KCTD20: variants seen among roughly 807,000 people sequenced by gnomAD.
KCTD20 encodes potassium channel tetramerization domain containing 20, also known as BTB/POZ domain-containing protein KCTD20.
In KCTD20, 30 loss-of-function variants were observed where a neutral mutation model predicts 39.6. That is an observed-to-expected ratio of 0.76 (90% CI 0.57 to 1.03). The LOEUF (loss-of-function observed/expected upper bound fraction) is 1.03. Ranked by LOEUF, KCTD20 falls within the 50% of genes least tolerant of loss-of-function variation. The pLI is 0.00. For missense variants in KCTD20, 422 were observed against 522.0 expected (o/e 0.81, Z 1.87); for synonymous variants, 162 against 180.6 (o/e 0.90, Z 0.83).
chr6:36,473,630 A>G (rs1032116336), intron 2 of KCTD20, among the ~76,000 whole-genome samples: 27 of 151,878 alleles, frequency 1.8e-4, no homozygotes, highest in Non-Finnish European at 2.4e-4. Context: ...AAAATTAGCC[A>G]GGCATGGTGG....
At chr6:36,467,725 C>T (rs1369932214) in intron 1 of KCTD20, among the ~76,000 whole-genome samples, 3 of 152,032 alleles carry the variant, frequency 2.0e-5, no homozygotes, top group Admixed American at 6.6e-5. Flanking sequence ...TTCCATAGTA[C>T]GCTCTGATCT....
intron 1 of KCTD20, among the ~76,000 whole-genome samples, chr6:36,459,350 A>G (rs920377335): frequency 6.6e-5 from 10 of 152,224 alleles, no homozygotes; most frequent in African/African-American, 1.9e-4. Flanking sequence ...GGTACAAAGG[A>G]TAGCCCTTCC....
intron 1 of KCTD20, among the ~76,000 whole-genome samples, chr6:36,462,417 A>G (rs137892572): frequency 6.6e-6 from 1 of 152,320 alleles, no homozygotes; most frequent in East Asian, 1.9e-4. Flanking sequence ...CTTCTCATCT[A>G]TGAAATGAAA....
rs542921292 is a variant in KCTD20, at chr6:36,449,565, A to G, written c.-47+6454A>G. ...CTGATTGGTGCGTTTACAATCCTTT[A>G]GCTAGGCAGAAAAGTTCTCCAATTG... is the stretch of plus-strand genomic sequence containing the variant. On this transcript the variant is annotated intron_variant, in intron 1 of 7. Coordinates refer to ENST00000373731, the MANE Select transcript of KCTD20 (RefSeq NM_173562.5). Among the ~76,000 whole-genome samples the G allele has an allele frequency of 3.3e-4, 50 of 152,310 alleles. No individual in the cohort carries two copies. The South Asian group carries it at 0.01, about 31-fold the overall frequency.
In KCTD20 at chr6:36,486,807, G is replaced by A. The variant is rs1043114169; in HGVS notation, c.968-76G>A. The A allele has an allele frequency of 1.8e-5, 21 of 1,195,516 alleles. No homozygotes were observed. In the African/African-American group the frequency reaches 3.2e-4, roughly 18 times the overall value. The allele number at this position is 1,195,516 out of a possible 1,614,324, so 74.1% of individuals were successfully genotyped here. On this transcript the variant is annotated intron_variant, in intron 7 of 7. Transcript: ENST00000373731. ...TGTGATTTTGGGAGAAAACTGATGT[G>A]GTTAGGAAGGAGAAAGTATGGACAC...
At chr6:36,478,035 C>T (rs1463137212) in intron 3 of KCTD20, among the ~76,000 whole-genome samples, 1 of 146,404 alleles carries the variant, frequency 6.8e-6, no homozygotes, top group African/African-American at 2.6e-5. Flanking sequence ...GCGGAGGTTG[C>T]AGTGAGCCGA....
intron 2 of KCTD20, among the ~76,000 whole-genome samples, chr6:36,471,081 G>A (rs969396401): frequency 8.6e-5 from 13 of 151,438 alleles, no homozygotes; most frequent in African/African-American, 3.2e-4. Flanking sequence ...AACCTGGTAG[G>A]CGGAGGTTGC....
At position 36,487,107 on chromosome 6, in the gene KCTD20, C is replaced by T. The variant is rs763112642; in HGVS notation, c.1192C>T (p.Gln398Ter). The change falls in exon 8 of 8, where the codon CAA becomes TAA. Residue 398 changes from glutamine (Q) to a stop codon, truncating the protein, a stop_gained. Transcript: ENST00000373731. LOFTEE classifies it high-confidence loss of function. Reference sequence around the variant, plus strand: ...GGAGATATTAATGCATCACCCACCCCAAGTGGATGAACTTGACCGGCTAAA... The same window carrying T: ...GGAGATATTAATGCATCACCCACCCTAAGTGGATGAACTTGACCGGCTAAA... ...DQEILMHHPP[Q>*]VDELDRLNAP... The T allele has an allele frequency of 6.2e-7, 1 of 1,614,144 alleles. No homozygotes were observed. The highest frequency in any genetic ancestry group is 1.7e-5 in the Admixed American group (1 of 60,016).
chr6:36,447,860 G>A (rs1775096839), intron 1 of KCTD20, among the ~76,000 whole-genome samples: 2 of 151,384 alleles, frequency 1.3e-5, no homozygotes. Flanking sequence ...GTGTGGTGGT[G>A]TGCGCCTTTA....
rs1434299015 is a variant in KCTD20, at chr6:36,491,132, T to C, written c.*3957T>C. 1.3e-5 allele frequency: 2 copies of C among 152,110 alleles called. No homozygotes were observed. The highest frequency in any genetic ancestry group is 2.1e-4 in the South Asian group (1 of 4,832). The allele number at this position is 152,110 out of a possible 1,614,324, so 9.4% of individuals were successfully genotyped here. A position where few individuals can be genotyped will look rare whatever the true frequency, so the allele number is the denominator to read the frequency against. On this transcript the variant is annotated 3_prime_UTR_variant, in exon 8 of 8. Transcript: ENST00000373731. Reference sequence around the variant, plus strand: ...GGGATGCTTTTTCTATAATAAAATATTATAATTTGTGTGTCTGTTTTTTTT... The same window carrying C: ...GGGATGCTTTTTCTATAATAAAATACTATAATTTGTGTGTCTGTTTTTTTT...
chr6:36,463,885 A>G (rs1168702389), intron 1 of KCTD20, among the ~76,000 whole-genome samples: 1 of 152,186 alleles, frequency 6.6e-6, no homozygotes, highest in Non-Finnish European at 1.5e-5. Context: ...GAACAGATTG[A>G]GAGGGAAAAA....
rs1041083202 is a variant in KCTD20 at position 36,469,379 on chromosome 6, G to T, written c.-46-673G>T. ...TGCCTCATCACTGGGGGTCTTGCAC[G>T]TGGCAGTCACATAGTGTGTGTTGTT... On this transcript the variant is annotated intron_variant, in intron 1 of 7. Coordinates refer to ENST00000373731, the MANE Select transcript of KCTD20 (RefSeq NM_173562.5). The surrounding 1 kb of genome is among the most constrained non-coding windows in gnomAD (Gnocchi z 4.6). Among the ~76,000 whole-genome samples the T allele has an allele frequency of 6.6e-6, 1 of 152,178 alleles. No individual in the cohort carries two copies. Among genetic ancestry groups the T allele is most frequent in the Admixed American group, 6.5e-5 (1 of 15,270 alleles).
intron 1 of KCTD20, among the ~76,000 whole-genome samples, chr6:36,458,560 A>G (rs1279516642): frequency 6.9e-6 from 1 of 144,588 alleles, no homozygotes. Flanking sequence ...AAAAAAAAAA[A>G]GAAAAGAAAG....
Position 36,474,960 on chromosome 6 carries a change from C to T in KCTD20, c.332C>T (p.Ser111Phe). 6.2e-7 allele frequency: 1 copy of T among 1,614,088 alleles called. No individual in the cohort carries two copies. The highest frequency in any genetic ancestry group is 1.7e-5 in the Admixed American group (1 of 59,998). ...GNSSVGFGSN[S>F]HSQAPEKVTL... ...AGTAGTGTGGGCTTTGGCAGTAATTCCCATTCCCAAGCACCAGAGAAAGTG... is the reference window on the plus strand; with the variant it reads ...AGTAGTGTGGGCTTTGGCAGTAATTTCCATTCCCAAGCACCAGAGAAAGTG... Residue 111 changes from serine (S) to phenylalanine (F), a missense_variant, in exon 3 of 8, where the codon TCC (serine) becomes TTC (phenylalanine). Coordinates refer to ENST00000373731, the MANE Select transcript of KCTD20 (RefSeq NM_173562.5).
At position 36,479,213 on chromosome 6, in the gene KCTD20, G is replaced by A. The variant is rs967542866; in HGVS notation, c.527G>A (p.Arg176His). 7.4e-6 allele frequency: 12 copies of A among 1,611,152 alleles called. No individual in the cohort carries two copies. The highest frequency in any genetic ancestry group is 1.3e-5 in the African/African-American group (1 of 74,846). ...IAEGISATVFRTVLDYYKTGI... is the reference protein window; with the variant it reads ...IAEGISATVFHTVLDYYKTGI... ...GAAGGCATCAGTGCAACTGTATTTCGCACAGTGCTGGTGTGTGGTAGCCTT... is the reference window on the plus strand; with the variant it reads ...GAAGGCATCAGTGCAACTGTATTTCACACAGTGCTGGTGTGTGGTAGCCTT... The change falls in exon 4 of 8, where the codon CGC (arginine) becomes CAC (histidine). Residue 176 changes from arginine to histidine, a missense_variant. Coordinates refer to ENST00000373731, the MANE Select transcript of KCTD20 (RefSeq NM_173562.5).
chr6:36,472,070 G>C (rs923544094), intron 2 of KCTD20, among the ~76,000 whole-genome samples: 1 of 152,024 alleles, frequency 6.6e-6, no homozygotes, highest in Non-Finnish European at 1.5e-5. Context: ...GGATGGTCTC[G>C]ATCTCCTGAC....
At position 36,469,853 on chromosome 6, in the gene KCTD20, G is replaced by T. The variant is rs951317177; in HGVS notation, c.-46-199G>T. 6.6e-6 allele frequency among the ~76,000 whole-genome samples: 1 copy of T among 152,126 alleles called. No homozygotes were observed. The highest frequency in any genetic ancestry group is 1.5e-5 in the Non-Finnish European group (1 of 68,020). On this transcript the variant is annotated intron_variant, in intron 1 of 7. Coordinates refer to ENST00000373731, the MANE Select transcript of KCTD20 (RefSeq NM_173562.5). The surrounding 1 kb of genome is among the most constrained non-coding windows in gnomAD (Gnocchi z 4.6). Reference sequence around the variant, plus strand: ...TTATTCCCTGGTAACAAGTTTATCTGCATTCTTAGTAATTTGATAAAGACC... The same window carrying T: ...TTATTCCCTGGTAACAAGTTTATCTTCATTCTTAGTAATTTGATAAAGACC...
At chr6:36,478,025 G>T (rs906925887) in intron 3 of KCTD20, among the ~76,000 whole-genome samples, 14 of 150,274 alleles carry the variant, frequency 9.3e-5, no homozygotes, top group African/African-American at 3.4e-4. Context: ...AACCTGGGAG[G>T]CGGAGGTTGC....
chr6:36,445,887 A>C (rs1246439585), intron 1 of KCTD20, among the ~76,000 whole-genome samples: 1 of 152,208 alleles, frequency 6.6e-6, no homozygotes, highest in Non-Finnish European at 1.5e-5. Context: ...GAAGGAGGAT[A>C]TGATGTAACC....
Sources: gnomAD v4.1 joint callset for allele counts (sites outside exome capture counted in the v4.1 genomes callset) on GRCh38, gnomAD v4.1.1 for gene constraint, Gnocchi (gnomAD v3.1) non-coding constraint, MANE v1.5 for transcripts, NCBI Gene and HGNC (gene_info 2026-07-23, HGNC 2026-07-21) for gene names.